ADISSP: variants seen among roughly 807,000 people sequenced by gnomAD.
The protein encoded by ADISSP is adipose secreted signaling protein, also known as adipose-secreted signaling protein.
the ADISSP span, among the ~76,000 whole-genome samples, chr20:3,765,882 T>TC: frequency 6.6e-6 from 1 of 151,098 alleles, no homozygotes; most frequent in Non-Finnish European, 1.5e-5. Context: ...ACATGGTGCC[T>TC]CCCCGCCAGC....
At chr20:3,767,075 A>G in the ADISSP span, 2 of 151,934 alleles carry the variant, frequency 1.3e-5, no homozygotes, top group African/African-American at 4.8e-5. Flanking sequence ...CACCCCCGCC[A>G]CACCCCATTC....
the ADISSP span, among the ~76,000 whole-genome samples, chr20:3,760,432 G>T: frequency 6.6e-6 from 1 of 152,236 alleles, no homozygotes; most frequent in East Asian, 1.9e-4. Context: ...GTGCTGAGCT[G>T]CAGCTTCTAG....
the ADISSP span, among the ~76,000 whole-genome samples, chr20:3,764,485 G>T: frequency 1.3e-5 from 2 of 152,080 alleles, no homozygotes; most frequent in Non-Finnish European, 2.9e-5. Context: ...GAACAATCCC[G>T]TCCCTCCCAG....
chr20:3,763,934 C>G, the ADISSP span, among the ~76,000 whole-genome samples: 1 of 152,200 alleles, frequency 6.6e-6, no homozygotes, highest in South Asian at 2.1e-4. Context: ...TGGGTACCAC[C>G]AGGAGCCCCC....
chr20:3,758,651 C>G, the ADISSP span: 1 of 1,614,058 alleles, frequency 6.2e-7, no homozygotes, highest in Non-Finnish European at 8.5e-7. The surrounding 1 kb of genome is among the most constrained non-coding windows in gnomAD (Gnocchi z 5.5). Flanking sequence ...TGCCGCAAAG[C>G]GGATACTCCG....
the ADISSP span, chr20:3,758,651 C>T: frequency 5.0e-6 from 8 of 1,614,058 alleles, no homozygotes; most frequent in South Asian, 4.4e-5. This position sits in a 1 kb window ranked among gnomAD's most constrained non-coding sequence, Gnocchi z 5.5. Flanking sequence ...TGCCGCAAAG[C>T]GGATACTCCG....
the ADISSP span, chr20:3,755,511 T>G: frequency 6.2e-7 from 1 of 1,613,134 alleles, no homozygotes; most frequent in Non-Finnish European, 8.5e-7. Context: ...AGGTGCAGGC[T>G]GGGGACAGGT....
At chr20:3,757,786 G>A in the ADISSP span, among the ~76,000 whole-genome samples, 2,648 of 152,096 alleles carry the variant, frequency 0.017, 29 homozygotes, top group Non-Finnish European at 0.025. Context: ...GCGCCACCAC[G>A]CTCAGCTAAC....
At chr20:3,759,652 C>A in the ADISSP span, among the ~76,000 whole-genome samples, 1 of 152,050 alleles carries the variant, frequency 6.6e-6, no homozygotes, top group African/African-American at 2.4e-5. This position sits in a 1 kb window ranked among gnomAD's most constrained non-coding sequence, Gnocchi z 4.6. Flanking sequence ...CCCACAGAAC[C>A]CTCAAATCTC....
At chr20:3,761,426 C>A in the ADISSP span, among the ~76,000 whole-genome samples, 1 of 151,722 alleles carries the variant, frequency 6.6e-6, no homozygotes, top group Non-Finnish European at 1.5e-5. Context: ...ACATCTGCCT[C>A]CTGGGTTCGA....
chr20:3,763,756 G>A, the ADISSP span, among the ~76,000 whole-genome samples: 1 of 152,170 alleles, frequency 6.6e-6, no homozygotes, highest in Non-Finnish European at 1.5e-5. Flanking sequence ...GGAACTACAG[G>A]GTGGCCTCAT....
chr20:3,754,610 G>A, the ADISSP span: 1 of 1,357,482 alleles, frequency 7.4e-7, no homozygotes. Context: ...ACCACCATGG[G>A]GGGACTGCAT....
At chr20:3,755,536 C>G in the ADISSP span, 4 of 1,613,516 alleles carry the variant, frequency 2.5e-6, no homozygotes, top group East Asian at 8.9e-5. Context: ...CGCGGACATC[C>G]TTGCTCAGCC....
At chr20:3,758,122 T>G in the ADISSP span, among the ~76,000 whole-genome samples, 1 of 152,348 alleles carries the variant, frequency 6.6e-6, no homozygotes, top group Non-Finnish European at 1.5e-5. This position sits in a 1 kb window ranked among gnomAD's most constrained non-coding sequence, Gnocchi z 5.5. Flanking sequence ...GCTTCACACC[T>G]GTATCACATA....
the ADISSP span, chr20:3,760,273 G>A: frequency 5.0e-6 from 3 of 603,274 alleles, no homozygotes; most frequent in African/African-American, 3.7e-5. Flanking sequence ...CCTTTAGGAA[G>A]GACTCAAACC....
At chr20:3,754,279 T>G in the ADISSP span, 1 of 1,479,952 alleles carries the variant, frequency 6.8e-7, no homozygotes, top group Admixed American at 1.7e-5. Flanking sequence ...CCAAGGAGGT[T>G]GAGAACCCCT....
the ADISSP span, chr20:3,754,469 CTT>C: frequency 1.2e-6 from 2 of 1,614,144 alleles, no homozygotes; most frequent in Non-Finnish European, 1.7e-6. Context: ...AGTATCTCCT[CTT>C]TGAGGACGCC....
the ADISSP span, chr20:3,758,707 G>A: frequency 3.1e-6 from 5 of 1,607,864 alleles, no homozygotes; most frequent in Admixed American, 5.0e-5. This position sits in a 1 kb window ranked among gnomAD's most constrained non-coding sequence, Gnocchi z 5.5. Flanking sequence ...GGCTCTGAGG[G>A]CTTTCCCTGT....
At chr20:3,757,534 TC>T in the ADISSP span, among the ~76,000 whole-genome samples, 1 of 152,212 alleles carries the variant, frequency 6.6e-6, no homozygotes, top group Non-Finnish European at 1.5e-5. Flanking sequence ...GTTGGTTTGT[TC>T]CATTTACTCT....
Sources: allele counts gnomAD v4.1 joint callset (sites outside exome capture counted in the v4.1 genomes callset), GRCh38; gene constraint gnomAD v4.1.1; non-coding constraint Gnocchi (gnomAD v3.1); transcripts MANE v1.5; gene names NCBI Gene and HGNC (gene_info 2026-07-23, HGNC 2026-07-21).